CPA6: variants seen among roughly 807,000 people sequenced by gnomAD.
CPA6 encodes the protein carboxypeptidase B.
Under a neutral mutation model 63.3 loss-of-function variants are expected in CPA6, and 58 were observed. That is an observed-to-expected ratio of 0.92 (90% CI 0.74 to 1.14). The LOEUF (loss-of-function observed/expected upper bound fraction) is 1.14, where lower values mean the gene tolerates loss of function less well. CPA6 is among the 50% of genes most tolerant of loss of function. The pLI, the probability that CPA6 is intolerant of heterozygous loss-of-function variation, is 0.00. For synonymous variants in CPA6, 185 were observed against 179.0 expected (o/e 1.03, Z -0.27); for missense variants, 565 against 526.6 (o/e 1.07, Z -0.71).
intron 1 of CPA6, among the ~76,000 whole-genome samples, chr8:67,699,521 A>AT (rs910498491): frequency 3.9e-5 from 6 of 152,230 alleles, no homozygotes; most frequent in African/African-American, 1.4e-4. Context: ...ACAAACAAAC[A>AT]TTTACATGCA....
chr8:67,494,462 G>A (rs1811668797), intron 6 of CPA6, among the ~76,000 whole-genome samples: 1 of 152,078 alleles, frequency 6.6e-6, no homozygotes, highest in Non-Finnish European at 1.5e-5. Flanking sequence ...AAACTGGAGT[G>A]CTATGCGTAA....
chr8:67,607,243 CTTCTTCTT>C lies in CPA6; in HGVS notation c.192+16925_192+16932del, dbSNP rs1564021496. 4.2e-3 allele frequency among the ~76,000 whole-genome samples: 490 copies of C among 115,614 alleles called. 54 individuals are homozygous for C. Among genetic ancestry groups the C allele is most frequent in the East Asian group, 9.0e-3 (36 of 3,988 alleles). 75.8% of individuals were successfully genotyped at this position (115,614 alleles called of 152,430 possible). On this transcript the variant is annotated intron_variant, in intron 2 of 10. Coordinates refer to ENST00000297770, the MANE Select transcript of CPA6 (RefSeq NM_020361.5). The stretch of plus-strand genomic sequence containing the variant: ...TCTTCTTCTTCTTCTTCTTCTTCTT[CTTCTTCTT>C]CTCCTCCTCCTCCTTTCTTCTTTCT...
At chr8:67,629,138 CA>C in intron 1 of CPA6, among the ~76,000 whole-genome samples, 1 of 150,038 alleles carries the variant, frequency 6.7e-6, no homozygotes, top group African/African-American at 2.5e-5. Flanking sequence ...AAAAAACCCC[CA>C]AAAAAACAAA....
chr8:67,665,096 C>G (rs1816198166), intron 1 of CPA6, among the ~76,000 whole-genome samples: 1 of 152,158 alleles, frequency 6.6e-6, no homozygotes, highest in Non-Finnish European at 1.5e-5. Context: ...GCAAAGTTTT[C>G]ACTTTTAAAG....
At chr8:67,526,763 C>G (rs907560965) in intron 2 of CPA6, among the ~76,000 whole-genome samples, 4 of 151,990 alleles carry the variant, frequency 2.6e-5, no homozygotes, top group African/African-American at 9.7e-5. Context: ...GACTTTGGCA[C>G]CCTGCATTTT....
intron 6 of CPA6, 83 bp downstream of exon 6, chr8:67,506,704 A>T (rs1261635188): frequency 2.3e-6 from 2 of 879,386 alleles, no homozygotes; most frequent in Non-Finnish European, 3.9e-6. Flanking sequence ...ATTGGTTTCA[A>T]ATTCCCACTT....
intron 2 of CPA6, among the ~76,000 whole-genome samples, chr8:67,547,844 A>G (rs1812852347): frequency 6.6e-6 from 1 of 152,186 alleles, no homozygotes; most frequent in Non-Finnish European, 1.5e-5. Context: ...TTCTCCATTC[A>G]TAGTTAATTT....
chr8:67,483,462 G>A, intron 8 of CPA6: 2 of 450,516 alleles, frequency 4.4e-6, no homozygotes, highest in South Asian at 2.4e-5. Flanking sequence ...CTACACCACG[G>A]TTCATGTTTT....
intron 8 of CPA6, 42 bp from the exon 9 acceptor site, chr8:67,434,282 G>A (rs1465164245): frequency 6.7e-7 from 1 of 1,490,298 alleles, no homozygotes; most frequent in East Asian, 2.3e-5. Context: ...AGTGGGCAGG[G>A]AAGAAACAAG....
intron 1 of CPA6, among the ~76,000 whole-genome samples, chr8:67,658,319 T>G (rs1440535901): frequency 6.6e-6 from 1 of 152,208 alleles, no homozygotes; most frequent in Non-Finnish European, 1.5e-5. Context: ...CAAACTTTCT[T>G]AGGTCAGGGG....
At chr8:67,482,481 T>G (rs1811380597) in intron 8 of CPA6, among the ~76,000 whole-genome samples, 1 of 152,216 alleles carries the variant, frequency 6.6e-6, no homozygotes, top group African/African-American at 2.4e-5. Flanking sequence ...ATAGTATTTA[T>G]ACAATGGTGT....
intron 2 of CPA6, among the ~76,000 whole-genome samples, chr8:67,597,473 C>T (rs905665835): frequency 4.6e-5 from 7 of 152,132 alleles, no homozygotes; most frequent in Non-Finnish European, 8.8e-5. Flanking sequence ...GGATTACAGG[C>T]AGGAGCCACT....
At chr8:67,436,475 G>A (rs1207716634) in intron 8 of CPA6, among the ~76,000 whole-genome samples, 1 of 151,454 alleles carries the variant, frequency 6.6e-6, no homozygotes, top group Non-Finnish European at 1.5e-5. Context: ...CATATGTAAA[G>A]GTATCTGATA....
intron 2 of CPA6, among the ~76,000 whole-genome samples, chr8:67,528,833 T>C (rs1050587972): frequency 2.0e-5 from 3 of 152,020 alleles, no homozygotes; most frequent in Non-Finnish European, 4.4e-5. Context: ...TTTATTATTC[T>C]TTCCTAATAA....
At chr8:67,585,872 G>A (rs1813919491) in intron 2 of CPA6, among the ~76,000 whole-genome samples, 1 of 152,112 alleles carries the variant, frequency 6.6e-6, no homozygotes. Flanking sequence ...GTAAGGCAAG[G>A]TTAGTCTGAT....
chr8:67,670,436 G>A (rs1357010230), intron 1 of CPA6, among the ~76,000 whole-genome samples: 1 of 152,138 alleles, frequency 6.6e-6, no homozygotes, highest in Non-Finnish European at 1.5e-5. Context: ...CTCTAACTCT[G>A]GGGGGCTTAC....
intron 2 of CPA6, among the ~76,000 whole-genome samples, chr8:67,580,213 T>C (rs1813733398): frequency 6.6e-6 from 1 of 152,358 alleles, no homozygotes; most frequent in Middle Eastern, 3.4e-3. Context: ...CAAGTGATAC[T>C]GATTCTGAGC....
intron 1 of CPA6, among the ~76,000 whole-genome samples, chr8:67,719,802 C>T (rs539337613): frequency 3.3e-5 from 5 of 152,140 alleles, no homozygotes; most frequent in South Asian, 2.1e-4. Flanking sequence ...TTTGATTCTG[C>T]GTGGCTGGGT....
chr8:67,672,083 G>A (rs925817604), intron 1 of CPA6, among the ~76,000 whole-genome samples: 3 of 152,150 alleles, frequency 2.0e-5, no homozygotes, highest in Admixed American at 6.6e-5. Flanking sequence ...ACCTGTCTCA[G>A]CCTCCCAAAG....
Sources: allele counts gnomAD v4.1 joint callset (sites outside exome capture counted in the v4.1 genomes callset), GRCh38; gene constraint gnomAD v4.1.1; transcripts MANE v1.5; gene names NCBI Gene and HGNC (gene_info 2026-07-23, HGNC 2026-07-21).